CEP112: variants seen among roughly 807,000 people sequenced by gnomAD.
CEP112 encodes centrosomal protein 112.
CEP112 carries 127 observed loss-of-function variants against 153.0 expected under a neutral mutation model. The ratio of observed to expected loss-of-function variants is 0.83; its 90% CI spans 0.72 to 0.96. CEP112 has a LOEUF of 0.96. Among genes scored for constraint, CEP112 ranks in the 40% least tolerant of loss-of-function variants. The pLI, the probability that CEP112 is intolerant of heterozygous loss-of-function variation, is 0.00. For missense variants in CEP112, 1,089 were observed against 1,101.2 expected (o/e 0.99, Z 0.16); for synonymous variants, 358 against 374.4 (o/e 0.96, Z 0.51).
At chr17:65,758,577 G>A (rs2052421913) in intron 21 of CEP112, among the ~76,000 whole-genome samples, 1 of 152,118 alleles carries the variant, frequency 6.6e-6, no homozygotes, top group Admixed American at 6.5e-5. Flanking sequence ...CCAGGAAAGT[G>A]ATTTGGAGAG....
chr17:65,969,027 A>C (rs2144878172), intron 17 of CEP112, among the ~76,000 whole-genome samples: 1 of 152,148 alleles, frequency 6.6e-6, no homozygotes, highest in South Asian at 2.1e-4. Flanking sequence ...TCAGTATTAG[A>C]ACTGCAAAAA....
chr17:65,989,319 A>G (rs552145392), intron 17 of CEP112, among the ~76,000 whole-genome samples: 33 of 152,058 alleles, frequency 2.2e-4, no homozygotes, highest in African/African-American at 7.5e-4. Flanking sequence ...GCCTATAAAC[A>G]TTGGGCACTC....
At chr17:66,095,303 TA>T (rs1387953980) in intron 8 of CEP112, among the ~76,000 whole-genome samples, 1 of 150,528 alleles carries the variant, frequency 6.6e-6, no homozygotes, top group Non-Finnish European at 1.5e-5. Flanking sequence ...CACACACACA[TA>T]CACACACACA....
chr17:66,028,750 A>T (rs1425092353), intron 14 of CEP112, among the ~76,000 whole-genome samples: 1 of 151,926 alleles, frequency 6.6e-6, no homozygotes, highest in East Asian at 1.9e-4. Flanking sequence ...AAACTTCAAA[A>T]TTTTAATTAT....
intron 21 of CEP112, among the ~76,000 whole-genome samples, chr17:65,792,270 A>G (rs893698835): frequency 8.5e-5 from 13 of 152,328 alleles, no homozygotes; most frequent in African/African-American, 2.4e-4. Context: ...TAAGAAAAAA[A>G]CCTTCTGGCA....
intron 10 of CEP112, among the ~76,000 whole-genome samples, chr17:66,063,919 G>A (rs1407471861): frequency 6.6e-6 from 1 of 151,962 alleles, no homozygotes; most frequent in Non-Finnish European, 1.5e-5. Context: ...TATCTACATA[G>A]AATGCCCTTC....
chr17:66,073,077 G>A (rs1479759282), intron 8 of CEP112, among the ~76,000 whole-genome samples: 1 of 152,096 alleles, frequency 6.6e-6, no homozygotes, highest in Non-Finnish European at 1.5e-5. Flanking sequence ...TTCTTTTTCT[G>A]ACATCAGAAT....
intron 17 of CEP112, among the ~76,000 whole-genome samples, chr17:65,966,785 TA>T (rs1309858974): frequency 6.6e-6 from 1 of 152,220 alleles, no homozygotes; most frequent in Non-Finnish European, 1.5e-5. Context: ...AATTCTAGTT[TA>T]AAAATGGTAA....
chr17:65,942,282 G>T (rs539253023), intron 18 of CEP112, among the ~76,000 whole-genome samples: 3 of 152,174 alleles, frequency 2.0e-5, no homozygotes, highest in African/African-American at 7.2e-5. Context: ...ATGATCTCAG[G>T]TGGAACAGTT....
At chr17:66,186,091 C>T (rs1245122458) in intron 1 of CEP112, among the ~76,000 whole-genome samples, 2 of 151,996 alleles carry the variant, frequency 1.3e-5, no homozygotes, top group African/African-American at 2.4e-5. Flanking sequence ...TCACTTTCTC[C>T]ACTCAACCAT....
chr17:66,066,677 T>C, intron 10 of CEP112, 101 bp downstream of exon 10: 2 of 754,916 alleles, frequency 2.6e-6, no homozygotes, highest in Non-Finnish European at 3.9e-6. Flanking sequence ...TAAACATTCC[T>C]ATCTCATACT....
At chr17:66,097,511 A>G (rs2068397613) in intron 6 of CEP112, among the ~76,000 whole-genome samples, 1 of 152,224 alleles carries the variant, frequency 6.6e-6, no homozygotes, top group African/African-American at 2.4e-5. Context: ...GAAGGAAGAA[A>G]CAAGAGGAAA....
At chr17:65,946,422 G>T (rs1469790388) in intron 18 of CEP112, among the ~76,000 whole-genome samples, 1 of 152,056 alleles carries the variant, frequency 6.6e-6, no homozygotes, top group African/African-American at 2.4e-5. Flanking sequence ...ACCATTTATT[G>T]AATTGGTCAT....
chr17:66,103,007 T>C (rs547583920), intron 6 of CEP112, among the ~76,000 whole-genome samples: 1 of 151,990 alleles, frequency 6.6e-6, no homozygotes, highest in African/African-American at 2.4e-5. Context: ...GCAGATCACC[T>C]GAGGTCAGCA....
chr17:65,803,171 G>A (rs1244850184), intron 21 of CEP112, among the ~76,000 whole-genome samples: 6 of 152,328 alleles, frequency 3.9e-5, no homozygotes, highest in African/African-American at 1.4e-4. Flanking sequence ...CCAAGTACCA[G>A]GAGCGTAAGT....
At chr17:65,824,429 G>A (rs2056740751) in intron 21 of CEP112, among the ~76,000 whole-genome samples, 1 of 152,196 alleles carries the variant, frequency 6.6e-6, no homozygotes, top group Non-Finnish European at 1.5e-5. Context: ...TGATGACAAA[G>A]GTCTGGAGAA....
Position 65,750,723 on chromosome 17 carries a change from G to A in CEP112, c.2396C>T (p.Ala799Val). 1 of 1,613,752 alleles carries A rather than the reference G, an allele frequency of 6.2e-7. No homozygotes were observed. Among genetic ancestry groups the A allele is most frequent in the Non-Finnish European group, 8.5e-7 (1 of 1,179,814 alleles). The change falls in exon 22 of 27, where the codon GCC becomes GTC. Residue 799 changes from alanine to valine, a missense_variant and splice_region_variant. Transcript: ENST00000535342. Reference sequence around the variant, plus strand: ...CTCAATCTGCTTCAGCTTGCTGTTGGCCTGAAAAACACATGTACATGAACA... The same window carrying A: ...CTCAATCTGCTTCAGCTTGCTGTTGACCTGAAAAACACATGTACATGAACA... ...AAETEMTLEK[A>V]NSKLKQIEKE...
rs1226803828 is a variant in CEP112, at chr17:66,027,511, T to C, written c.1646A>G (p.Tyr549Cys). The C allele has an allele frequency of 6.7e-6, 9 of 1,336,342 alleles. No homozygotes were observed. Among genetic ancestry groups the C allele is most frequent in the Non-Finnish European group, 7.0e-6 (7 of 1,000,156 alleles). The allele number at this position is 1,336,342 out of a possible 1,614,324, so 82.8% of individuals were successfully genotyped here. Residue 549 changes from tyrosine (Y) to cysteine (C), a missense_variant, in exon 16 of 27, where the codon TAT becomes TGT. Tyr to Cys is a radical substitution (Grantham distance 194). Coordinates refer to ENST00000535342, the MANE Select transcript of CEP112 (RefSeq NM_001199165.4). ...QMEKSHLKHI[Y>C]EKKAHDLQSE... The stretch of plus-strand genomic sequence containing the variant: ...CATAAAACATATTACCTTTTTTTCA[T>C]AGATGTGTTTTAAATGACTTTTCTC...
intron 25 of CEP112, among the ~76,000 whole-genome samples, chr17:65,638,116 C>T (rs572311206): frequency 2.0e-5 from 3 of 152,216 alleles, no homozygotes; most frequent in Non-Finnish European, 4.4e-5. Context: ...TAGAAACCGC[C>T]TAGTGCAGAG....
Sources: gnomAD v4.1 joint callset for allele counts (sites outside exome capture counted in the v4.1 genomes callset) on GRCh38, gnomAD v4.1.1 for gene constraint, MANE v1.5 for transcripts, NCBI Gene and HGNC (gene_info 2026-07-23, HGNC 2026-07-21) for gene names.